EPB42: variants seen among roughly 807,000 people sequenced by gnomAD.
EPB42 encodes the protein erythrocyte membrane protein band 4.2.
In EPB42, 49 loss-of-function variants were observed where a neutral mutation model predicts 76.9. The observed-to-expected ratio is 0.64, with a 90% CI of 0.51 to 0.81. The LOEUF (loss-of-function observed/expected upper bound fraction) is 0.81. Among genes scored for constraint, EPB42 ranks in the 30% least tolerant of loss-of-function variants. The pLI is 0.00. For missense variants in EPB42, 731 were observed against 867.6 expected (o/e 0.84, Z 1.98); for synonymous variants, 310 against 338.4 (o/e 0.92, Z 0.92).
intron 10 of EPB42, among the ~76,000 whole-genome samples, chr15:43,205,653 G>T (rs1410770206): frequency 6.6e-6 from 1 of 152,068 alleles, no homozygotes; most frequent in Non-Finnish European, 1.5e-5. Context: ...GTCCACTTTG[G>T]CCTCCCAAAG....
chr15:43,214,351 C>T (rs916072531), intron 3 of EPB42, among the ~76,000 whole-genome samples: 13 of 152,044 alleles, frequency 8.6e-5, no homozygotes, highest in African/African-American at 2.4e-5. Flanking sequence ...GTTGGGGGGG[C>T]GGGGCACAGC....
At chr15:43,205,257 G>A (rs959282575) in intron 10 of EPB42, among the ~76,000 whole-genome samples, 2 of 152,164 alleles carry the variant, frequency 1.3e-5, no homozygotes, top group Non-Finnish European at 2.9e-5. Flanking sequence ...AGGGAAGAGT[G>A]ATACAGAGAC....
At chr15:43,220,158 C>T (rs1414685109) in intron 1 of EPB42, among the ~76,000 whole-genome samples, 4 of 152,070 alleles carry the variant, frequency 2.6e-5, no homozygotes, top group African/African-American at 9.7e-5. Context: ...ACTGTCCCCA[C>T]ACCTCTGCAC....
intron 11 of EPB42, 143 bp from the exon 12 acceptor site, chr15:43,202,120 C>CTACAGGGATCATAATA: frequency 8.8e-7 from 1 of 1,131,402 alleles, no homozygotes; most frequent in Non-Finnish European, 1.3e-6. Context: ...TGTCTTCTAC[C>CTACAGGGATCATAATA]GCTCTACCTG....
At chr15:43,202,986 C>T in intron 11 of EPB42, 129 bp downstream of exon 11, 1 of 1,147,214 alleles carries the variant, frequency 8.7e-7, no homozygotes, top group South Asian at 1.2e-5. Flanking sequence ...AGGGAAGGAG[C>T]TCTTAAATGT....
chr15:43,209,050 A>T (rs2042251310), intron 6 of EPB42, among the ~76,000 whole-genome samples: 1 of 152,188 alleles, frequency 6.6e-6, no homozygotes, highest in African/African-American at 2.4e-5. Context: ...TTAGGGAAGT[A>T]AGTGAATTTG....
intron 12 of EPB42, among the ~76,000 whole-genome samples, chr15:43,198,800 T>C (rs2042084961): frequency 1.3e-5 from 2 of 152,004 alleles, no homozygotes; most frequent in Admixed American, 1.3e-4. Context: ...AGGCCCAGGG[T>C]TCCTGTGTTG....
intron 10 of EPB42, among the ~76,000 whole-genome samples, chr15:43,204,964 G>GCA (rs537746619): frequency 8.3e-6 from 1 of 120,922 alleles, no homozygotes; most frequent in African/African-American, 3.4e-5. Flanking sequence ...TGCCCCCTCC[G>GCA]CCCCCCCCCC....
chr15:43,221,094 C>A (rs997360243), upstream of EPB42: 16 of 496,670 alleles, frequency 3.2e-5, no homozygotes, highest in South Asian at 2.1e-4. Context: ...TGCCAGGAGG[C>A]CCAGGCAGGA....
intron 12 of EPB42, among the ~76,000 whole-genome samples, chr15:43,198,670 G>T (rs922558346): frequency 1.3e-5 from 2 of 152,222 alleles, no homozygotes; most frequent in African/African-American, 4.8e-5. Context: ...GTAACAAGGA[G>T]CCTAATGTTA....
chr15:43,212,459 C>G (rs1263777905), intron 3 of EPB42, among the ~76,000 whole-genome samples: 1 of 151,644 alleles, frequency 6.6e-6, no homozygotes, highest in Non-Finnish European at 1.5e-5. Context: ...AAATTGGCAA[C>G]AGGCCAGGGA....
chr15:43,212,370 A>C (rs1324757168), intron 3 of EPB42, among the ~76,000 whole-genome samples: 1 of 3,126 alleles, frequency 3.2e-4, no homozygotes, highest in Non-Finnish European at 1.1e-3. Flanking sequence ...ACTCCGTCTC[A>C]AAAAAAAAAA....
intron 1 of EPB42, among the ~76,000 whole-genome samples, chr15:43,217,328 T>G (rs1474129325): frequency 6.6e-6 from 1 of 152,164 alleles, no homozygotes; most frequent in Admixed American, 6.5e-5. Flanking sequence ...CTGCCATGAT[T>G]GTAAGTTTCC....
intron 5 of EPB42, among the ~76,000 whole-genome samples, chr15:43,209,892 C>T (rs1213095773): frequency 6.6e-6 from 1 of 152,246 alleles, no homozygotes; most frequent in African/African-American, 2.4e-5. Flanking sequence ...GAACACATGA[C>T]TCCTCTGAGA....
rs1427141629 is a variant in EPB42 at position 43,208,754 on chromosome 15, G to A, written c.854C>T (p.Pro285Leu). 2 of 1,614,170 alleles carry A rather than the reference G, an allele frequency of 1.2e-6. No individual in the cohort carries two copies. The highest frequency in any genetic ancestry group is 1.7e-6 in the Non-Finnish European group (2 of 1,180,038). The change falls in exon 7 of 13, where the codon CCT (proline) becomes CTT (leucine). Residue 285 changes from proline to leucine, a missense_variant. By Grantham distance (98) the Pro-to-Leu change is moderately conservative. Coordinates refer to ENST00000441366, the MANE Select transcript of EPB42 (RefSeq NM_001114134.2). ...GGCAAACGTGGTCACCACGCGGGCA[G>A]GGATTCCCAGGCATCGCAGCACTGT... ...ACTVLRCLGI[P>L]ARVVTTFASA...
At chr15:43,212,180 C>T (rs542961226) in intron 3 of EPB42, among the ~76,000 whole-genome samples, 205 of 152,088 alleles carry the variant, frequency 1.3e-3, no homozygotes, top group African/African-American at 4.8e-3. Context: ...CCAGCCTGAC[C>T]AACATGGTGA....
chr15:43,225,264 C>T (rs549215599), upstream of EPB42, among the ~76,000 whole-genome samples: 4 of 152,250 alleles, frequency 2.6e-5, no homozygotes, highest in African/African-American at 7.2e-5. Flanking sequence ...TTTCTATATA[C>T]CCTTTGTATC....
chr15:43,220,949 T>TA lies in EPB42; in HGVS notation c.-125dup. ...AAATATGAAGGCACTTTTGTTGGCT[T>TA]AAGAATCTGGAAATAGCAAAACCTC... On this transcript the variant is annotated 5_prime_UTR_variant, in exon 1 of 13. Coordinates refer to ENST00000441366, the MANE Select transcript of EPB42 (RefSeq NM_001114134.2). 1 of 866,352 alleles carries TA rather than the reference T, an allele frequency of 1.2e-6. No individual in the cohort carries two copies. Among genetic ancestry groups the TA allele is most frequent in the Non-Finnish European group, 1.9e-6 (1 of 527,692 alleles). 53.7% of individuals were successfully genotyped at this position (866,352 alleles called of 1,614,324 possible). A position where few individuals can be genotyped will look rare whatever the true frequency, so the allele number is the denominator to read the frequency against.
In EPB42 at chr15:43,201,958, T is replaced by A; in HGVS notation, c.1799A>T (p.Gln600Leu). 1 of 1,614,132 alleles carries A rather than the reference T, an allele frequency of 6.2e-7. No homozygotes were observed. The highest frequency in any genetic ancestry group is 1.7e-5 in the Admixed American group (1 of 60,028). ...LAIKMPEKAEQYQPLTASVSL... is the reference protein window; with the variant it reads ...LAIKMPEKAELYQPLTASVSL... ...GACTGAGGCTGTGAGGGGTTGATAC[T>A]GCTCTGCTTTCTCTGGCATCTGTGG... The change falls in exon 12 of 13, where the codon CAG (glutamine) becomes CTG (leucine). Residue 600 changes from glutamine to leucine, a missense_variant. Physicochemically the swap from Gln to Leu is moderately radical, Grantham distance 113 (BLOSUM62 -2). Coordinates refer to ENST00000441366, the MANE Select transcript of EPB42 (RefSeq NM_001114134.2).
Sources: gnomAD v4.1 joint callset for allele counts (sites outside exome capture counted in the v4.1 genomes callset) on GRCh38, gnomAD v4.1.1 for gene constraint, MANE v1.5 for transcripts, NCBI Gene and HGNC (gene_info 2026-07-23, HGNC 2026-07-21) for gene names.